Variants in PTPRN2 observed in about 807,000 individuals in gnomAD.
PTPRN2 encodes the protein receptor-type tyrosine-protein phosphatase N2.
A neutral mutation model predicts 118.8 loss-of-function variants in PTPRN2; 74 were observed. The ratio of observed to expected loss-of-function variants is 0.62; its 90% CI spans 0.52 to 0.76. The LOEUF (loss-of-function observed/expected upper bound fraction) is 0.76. Ranked by LOEUF, PTPRN2 falls within the 30% of genes least tolerant of loss-of-function variation. The pLI is 0.00. For synonymous variants in PTPRN2, 641 were observed against 608.0 expected (o/e 1.05, Z -0.80); for missense variants, 1,481 against 1,394.4 (o/e 1.06, Z -0.99).
intron 12 of PTPRN2, among the ~76,000 whole-genome samples, chr7:157,884,481 G>A (rs1390660552): frequency 6.6e-6 from 1 of 152,224 alleles, no homozygotes; most frequent in Non-Finnish European, 1.5e-5. Context: ...TGCATGACAG[G>A]CCTTGCCCTT....
chr7:157,952,332 G>T (rs1369028401), intron 11 of PTPRN2, among the ~76,000 whole-genome samples: 3 of 149,744 alleles, frequency 2.0e-5, no homozygotes, highest in Admixed American at 1.3e-4. Flanking sequence ...GCACGCCTGA[G>T]ACAGGGTGGG....
At chr7:157,897,322 C>A (rs10263764) in intron 12 of PTPRN2, among the ~76,000 whole-genome samples, 25,867 of 152,034 alleles carry the variant, frequency 0.17, 2,553 homozygotes, top group Admixed American at 0.27. Context: ...CTCCACCTTG[C>A]AACTACTTGG....
rs201867274 is a variant in PTPRN2, at chr7:157,992,170, G to A, written c.1723+89128C>T. ...TATCATCTAATACATGGAAAATTGT[G>A]TATCACTACTGTAAATGAAAAGCAG... On this transcript the variant is annotated intron_variant, in intron 11 of 22. Coordinates refer to ENST00000389418, the MANE Select transcript of PTPRN2 (RefSeq NM_002847.5). Among the ~76,000 whole-genome samples the A allele has an allele frequency of 5.3e-5, 8 of 152,356 alleles. No individual in the cohort carries two copies. In the East Asian group the frequency reaches 1.2e-3, roughly 22 times the overall value.
In PTPRN2 at chr7:157,834,921, C is replaced by T. The variant is rs527650902; in HGVS notation, c.1788+63752G>A. Among the ~76,000 whole-genome samples the T allele has an allele frequency of 3.1e-4, 47 of 152,312 alleles. No individual in the cohort carries two copies. In the South Asian group the frequency reaches 8.9e-3, roughly 29 times the overall value. On this transcript the variant is annotated intron_variant, in intron 12 of 22. Transcript: ENST00000389418. The stretch of plus-strand genomic sequence containing the variant: ...CTGCAGCTGTGAACATTGACCTGTC[C>T]GCCTACTCCCCGAGCCACAGATCTG...
intron 9 of PTPRN2, among the ~76,000 whole-genome samples, chr7:158,124,138 A>G (rs1380252897): frequency 6.6e-6 from 1 of 152,250 alleles, no homozygotes; most frequent in Non-Finnish European, 1.5e-5. Flanking sequence ...GGGTGTACAC[A>G]GCAGCATTCC....
At chr7:157,862,244 AG>A (rs1810296630) in intron 12 of PTPRN2, among the ~76,000 whole-genome samples, 1 of 152,234 alleles carries the variant, frequency 6.6e-6, no homozygotes, top group Non-Finnish European at 1.5e-5. Flanking sequence ...TGTCCACGGA[AG>A]GTCCCATTCT....
intron 11 of PTPRN2, among the ~76,000 whole-genome samples, chr7:158,021,368 T>G (rs552637249): frequency 1.3e-5 from 2 of 151,890 alleles, no homozygotes; most frequent in Non-Finnish European, 2.9e-5. Flanking sequence ...GACCAATGCA[T>G]ATAATGCTTT....
At chr7:157,737,859 C>T (rs1055886291) in intron 12 of PTPRN2, among the ~76,000 whole-genome samples, 2 of 152,218 alleles carry the variant, frequency 1.3e-5, no homozygotes, top group African/African-American at 4.8e-5. Flanking sequence ...ACCCCCGATG[C>T]GGGGAGGACC....
At chr7:157,991,279 C>G (rs1804234868) in intron 11 of PTPRN2, among the ~76,000 whole-genome samples, 1 of 152,228 alleles carries the variant, frequency 6.6e-6, no homozygotes, top group South Asian at 2.1e-4. Flanking sequence ...CAAGAAAGTA[C>G]CCGGACAATT....
intron 14 of PTPRN2, among the ~76,000 whole-genome samples, chr7:157,647,096 G>T (rs1451918618): frequency 1.9e-4 from 24 of 126,568 alleles, no homozygotes; most frequent in Non-Finnish European, 3.5e-4. Context: ...CACTGAACTC[G>T]GTGGGTCAGA....
chr7:158,421,182 T>A (rs1171666813), intron 2 of PTPRN2, among the ~76,000 whole-genome samples: 1 of 152,156 alleles, frequency 6.6e-6, no homozygotes, highest in Non-Finnish European at 1.5e-5. Flanking sequence ...TTCTGGCTGG[T>A]GGTCCCCTGG....
chr7:158,206,484 G>A lies in PTPRN2; in HGVS notation c.278-1211C>T, dbSNP rs138724797. ...AGACTCAGAGATGTCCTGGCTTCAG[G>A]TCTGATCTGGTACAGTCCTAGTGGT... is the stretch of plus-strand genomic sequence containing the variant. On this transcript the variant is annotated intron_variant, in intron 3 of 22. Coordinates refer to ENST00000389418, the MANE Select transcript of PTPRN2 (RefSeq NM_002847.5). 2.7e-3 allele frequency among the ~76,000 whole-genome samples: 413 copies of A among 152,210 alleles called. 1 individual carries two copies. The highest frequency in any genetic ancestry group is 9.4e-3 in the African/African-American group (388 of 41,482).
chr7:158,083,533 G>A (rs1270933050), intron 10 of PTPRN2, among the ~76,000 whole-genome samples: 1 of 152,186 alleles, frequency 6.6e-6, no homozygotes, highest in Non-Finnish European at 1.5e-5. Flanking sequence ...GGAGGTTCTT[G>A]GTTCCTCAGA....
intron 11 of PTPRN2, among the ~76,000 whole-genome samples, chr7:158,012,609 T>A (rs1806132183): frequency 6.6e-6 from 1 of 152,226 alleles, no homozygotes; most frequent in Admixed American, 6.5e-5. Context: ...ATGGTACATT[T>A]GTTTCTCATA....
intron 12 of PTPRN2, among the ~76,000 whole-genome samples, chr7:157,725,479 A>G (rs10273546): frequency 0.018 from 840 of 46,886 alleles, 5 homozygotes; most frequent in Middle Eastern, 0.033. Context: ...CCAGACCCTC[A>G]CCTCCCAGGA....
chr7:158,505,979 C>T (rs1451282045), intron 1 of PTPRN2, among the ~76,000 whole-genome samples: 1 of 152,204 alleles, frequency 6.6e-6, no homozygotes, highest in Non-Finnish European at 1.5e-5. Flanking sequence ...AGCACAGAGC[C>T]CACCGCGCGT....
At chr7:157,650,524 C>A (rs1034162099) in intron 14 of PTPRN2, among the ~76,000 whole-genome samples, 3 of 152,222 alleles carry the variant, frequency 2.0e-5, no homozygotes, top group Non-Finnish European at 4.4e-5. Context: ...ACTCATCAGG[C>A]CTCCGCGCCA....
At chr7:157,901,421 G>A (rs955172356) in intron 11 of PTPRN2, among the ~76,000 whole-genome samples, 16 of 152,166 alleles carry the variant, frequency 1.1e-4, no homozygotes, top group African/African-American at 2.7e-4. Context: ...GCAGGCGTGC[G>A]GGGAAGAGTT....
chr7:158,220,726 C>A, intron 3 of PTPRN2, among the ~76,000 whole-genome samples: 1 of 151,608 alleles, frequency 6.6e-6, no homozygotes, highest in African/African-American at 2.4e-5. Context: ...ACAAATGGAA[C>A]AACATTCCAC....
Sources: gnomAD v4.1 joint callset for allele counts (sites outside exome capture counted in the v4.1 genomes callset) on GRCh38, gnomAD v4.1.1 for gene constraint, MANE v1.5 for transcripts, NCBI Gene and HGNC (gene_info 2026-07-23, HGNC 2026-07-21) for gene names.